BDNF: variants seen among roughly 807,000 people sequenced by gnomAD.
BDNF encodes the protein neurotrophic factor BDNF precursor form.
In BDNF, 1 loss-of-function variant was observed where a neutral mutation model predicts 19.5. The observed-to-expected ratio is 0.05, with a 90% CI of 0.02 to 0.24. The LOEUF is 0.24. BDNF is among the 10% of genes least tolerant of loss of function. The pLI is 1.00. For missense variants in BDNF, 195 were observed against 317.6 expected (o/e 0.61, Z 2.93); for synonymous variants, 100 against 121.6 (o/e 0.82, Z 1.17).
chr11:27,664,409 A>G (rs959496660), intron 1 of BDNF, among the ~76,000 whole-genome samples: 1 of 152,184 alleles, frequency 6.6e-6, no homozygotes, highest in African/African-American at 2.4e-5. Context: ...GAAATGACCC[A>G]GAAAAGGTAC....
chr11:27,671,578 T>C (rs1424979658), intron 1 of BDNF, among the ~76,000 whole-genome samples: 1 of 152,192 alleles, frequency 6.6e-6, no homozygotes, highest in African/African-American at 2.4e-5. Flanking sequence ...GTTAAATTTA[T>C]AAATTGTGTA....
chr11:27,699,194 C>T (rs1859583733), intron 1 of BDNF, among the ~76,000 whole-genome samples: 1 of 151,814 alleles, frequency 6.6e-6, no homozygotes. Context: ...TCCTCGCCTC[C>T]CCTCCACCCC....
chr11:27,660,909 TAATGAGTCTTTG>T (rs1853355883), intron 1 of BDNF, among the ~76,000 whole-genome samples: 1 of 152,218 alleles, frequency 6.6e-6, no homozygotes, highest in Non-Finnish European at 1.5e-5. Context: ...ACCACTACAG[TAATGAGTCTTTG>T]AATGATACCA....
chr11:27,721,370 TC>T, intron 1 of BDNF: 1 of 1,611,830 alleles, frequency 6.2e-7, no homozygotes, highest in South Asian at 1.1e-5. Flanking sequence ...AAGCAACATG[TC>T]AAGATTTTTC....
At chr11:27,693,165 T>C in intron 1 of BDNF, among the ~76,000 whole-genome samples, 1 of 152,250 alleles carries the variant, frequency 6.6e-6, no homozygotes, top group East Asian at 1.9e-4. Context: ...ATGATAATAT[T>C]CTAGATACAG....
intron 1 of BDNF, among the ~76,000 whole-genome samples, chr11:27,689,642 T>A (rs1857980500): frequency 6.6e-6 from 1 of 152,240 alleles, no homozygotes. Context: ...TATGTGAGAC[T>A]GCCTGAAGAG....
chr11:27,710,944 A>C (rs546628464), intron 1 of BDNF, among the ~76,000 whole-genome samples: 1 of 152,204 alleles, frequency 6.6e-6, no homozygotes, highest in Non-Finnish European at 1.5e-5. Flanking sequence ...GCAGGTGAAA[A>C]GTTTCAGATT....
chr11:27,700,064 T>C, intron 1 of BDNF, 100 bp downstream of exon 1: 1 of 962,566 alleles, frequency 1.0e-6, no homozygotes, highest in Non-Finnish European at 1.2e-6. Flanking sequence ...AGAAGGAGAC[T>C]GGCCTCGTCC....
chr11:27,665,176 G>A (rs1476712008), intron 1 of BDNF: 2 of 152,086 alleles, frequency 1.3e-5, no homozygotes, highest in African/African-American at 4.8e-5. Flanking sequence ...CTATGTTATT[G>A]AAACCATATA....
intron 1 of BDNF, among the ~76,000 whole-genome samples, chr11:27,684,358 T>G (rs444654): frequency 0.82 from 124,043 of 152,066 alleles, 51,239 homozygotes; most frequent in African/African-American, 0.92. Context: ...AGAGACAATT[T>G]GACTTCCTCT....
chr11:27,703,308 T>C (rs1397225611), upstream of BDNF, among the ~76,000 whole-genome samples: 1 of 152,196 alleles, frequency 6.6e-6, no homozygotes, highest in Non-Finnish European at 1.5e-5. Flanking sequence ...AAAATACTTG[T>C]ACTACATTAT....
chr11:27,698,666 G>A (rs2134071897), intron 1 of BDNF, among the ~76,000 whole-genome samples: 1 of 152,094 alleles, frequency 6.6e-6, no homozygotes, highest in South Asian at 2.1e-4. Flanking sequence ...ATATCATGTC[G>A]CCTTTTATAT....
At position 27,674,823 on chromosome 11, in the gene BDNF, A is replaced by G. The variant is rs1346561321; in HGVS notation, c.-21-16238T>C. On this transcript the variant is annotated intron_variant, in intron 1 of 1. Transcript: ENST00000356660. ...GACTCCATTTTTACATAGTTGCTAT[A>G]ATAAATACAATACAGTATTTGTTGG... The G allele has an allele frequency of 5.3e-6, 5 of 936,840 alleles. No individual in the cohort carries two copies. In the African/African-American group the frequency reaches 8.9e-5, roughly 17 times the overall value. The allele number at this position is 936,840 out of a possible 1,614,324, so 58.0% of individuals were successfully genotyped here.
In BDNF at chr11:27,699,727, A is replaced by G. The variant is rs148462687; in HGVS notation, c.-22+437T>C. 166 of 1,364,210 alleles carry G rather than the reference A, an allele frequency of 1.2e-4. 1 individual carries two copies. In the East Asian group the frequency reaches 4.1e-3, roughly 34 times the overall value. 84.5% of individuals were successfully genotyped at this position (1,364,210 alleles called of 1,614,324 possible). The stretch of plus-strand genomic sequence containing the variant: ...AAGCTTCCCTCCCACTCCCCCCGCA[A>G]GTCGGCGCGGGGACCACCCACCCCC... On this transcript the variant is annotated intron_variant, in intron 1 of 1. Coordinates refer to ENST00000356660, the MANE Select transcript of BDNF (RefSeq NM_001709.5).
intron 1 of BDNF, among the ~76,000 whole-genome samples, chr11:27,712,460 T>A (rs1386553848): frequency 3.3e-5 from 5 of 152,216 alleles, no homozygotes; most frequent in Non-Finnish European, 7.3e-5. Context: ...TTTTTATAAC[T>A]GTACATCAAT....
intron 1 of BDNF, among the ~76,000 whole-genome samples, chr11:27,691,724 G>A (rs773025718): frequency 1.3e-5 from 2 of 152,044 alleles, no homozygotes; most frequent in African/African-American, 2.4e-5. Flanking sequence ...TTCTACAGAA[G>A]AGCAAAATAA....
chr11:27,720,786 G>C (rs942932569), intron 1 of BDNF: 10 of 987,940 alleles, frequency 1.0e-5, no homozygotes, highest in Non-Finnish European at 1.2e-5. Flanking sequence ...TATTGCTCTA[G>C]ACGGTTTCTT....
chr11:27,689,202 G>A (rs1318700201), intron 1 of BDNF, among the ~76,000 whole-genome samples: 2 of 152,118 alleles, frequency 1.3e-5, no homozygotes, highest in African/African-American at 2.4e-5. Context: ...GAATACTGCA[G>A]GTTTTGGTTA....
Position 27,699,781 on chromosome 11 carries a change from C to T in BDNF, c.-22+383G>A, listed in dbSNP as rs1246642505. 17 of 1,117,168 alleles carry T rather than the reference C, an allele frequency of 1.5e-5. No individual in the cohort carries two copies. In the East Asian group the frequency reaches 6.3e-4, roughly 41 times the overall value. 69.2% of individuals were successfully genotyped at this position (1,117,168 alleles called of 1,614,324 possible). A position where few individuals can be genotyped will look rare whatever the true frequency, so the allele number is the denominator to read the frequency against. On this transcript the variant is annotated intron_variant, in intron 1 of 1. Coordinates refer to ENST00000356660, the MANE Select transcript of BDNF (RefSeq NM_001709.5). The stretch of plus-strand genomic sequence containing the variant: ...AAGGATTCCTAGCCTAGCCCCAGCA[C>T]CCTCCCCTCAGTCAGGACCCTCGAC...
Sources: gnomAD v4.1 joint callset for allele counts (sites outside exome capture counted in the v4.1 genomes callset) on GRCh38, gnomAD v4.1.1 for gene constraint, MANE v1.5 for transcripts, NCBI Gene and HGNC (gene_info 2026-07-23, HGNC 2026-07-21) for gene names.